PDE4D: variants seen among roughly 807,000 people sequenced by gnomAD.
PDE4D encodes the protein 3',5'-cyclic-AMP phosphodiesterase 4D.
A neutral mutation model predicts 87.4 loss-of-function variants in PDE4D; 24 were observed. The observed-to-expected ratio is 0.27, with a 90% CI of 0.20 to 0.39. PDE4D has a LOEUF of 0.39. PDE4D is among the 10% of genes least tolerant of loss of function. The pLI is 1.00. For missense variants in PDE4D, 714 were observed against 1,041.0 expected, an observed-to-expected ratio of 0.69 and a Z score of 4.32; for synonymous variants, 384 against 383.2, an observed-to-expected ratio of 1.00 and a Z score of -0.02.
At chr5:59,113,304 A>G (rs2153440432) in intron 5 of PDE4D, among the ~76,000 whole-genome samples, 1 of 152,366 alleles carries the variant, frequency 6.6e-6, no homozygotes, top group Non-Finnish European at 1.5e-5. Flanking sequence ...AGATTCTGAT[A>G]TGAGATTTGA....
At chr5:59,170,278 A>C (rs979625549) in intron 5 of PDE4D, among the ~76,000 whole-genome samples, 2 of 152,066 alleles carry the variant, frequency 1.3e-5, no homozygotes, top group Non-Finnish European at 2.9e-5. Context: ...TTGCCTCCCA[A>C]AGTGCTGGAA....
intron 1 of PDE4D, among the ~76,000 whole-genome samples, chr5:60,204,804 A>G (rs1162332245): frequency 1.3e-5 from 2 of 152,184 alleles, no homozygotes; most frequent in Non-Finnish European, 2.9e-5. Flanking sequence ...TAAGATGTCT[A>G]TTCTACCACT....
intron 1 of PDE4D, among the ~76,000 whole-genome samples, chr5:59,689,565 G>A (rs1170075437): frequency 6.6e-6 from 1 of 152,176 alleles, no homozygotes; most frequent in African/African-American, 2.4e-5. Flanking sequence ...TTGATGGGAT[G>A]TATCTCAAAA....
At chr5:60,515,439 T>C (rs1437370216) in intron 1 of PDE4D, among the ~76,000 whole-genome samples, 1 of 152,116 alleles carries the variant, frequency 6.6e-6, no homozygotes, top group Non-Finnish European at 1.5e-5. Flanking sequence ...TCAAAAATGG[T>C]TTCTAAATTT....
intron 2 of PDE4D, among the ~76,000 whole-genome samples, chr5:60,044,148 G>A (rs1466363516): frequency 6.6e-6 from 1 of 151,876 alleles, no homozygotes. Flanking sequence ...AGCTAAAAGA[G>A]GAGAATTGGA....
intron 3 of PDE4D, among the ~76,000 whole-genome samples, chr5:59,961,527 G>A (rs947088371): frequency 6.6e-6 from 1 of 152,058 alleles, no homozygotes; most frequent in Non-Finnish European, 1.5e-5. Flanking sequence ...ATAAATTTCT[G>A]CTGTTTCGAG....
chr5:60,007,848 C>T (rs1764638605), intron 2 of PDE4D, among the ~76,000 whole-genome samples: 1 of 151,938 alleles, frequency 6.6e-6, no homozygotes, highest in African/African-American at 2.4e-5. Flanking sequence ...GATTTAGGTG[C>T]TCTGATATAG....
At chr5:59,487,735 T>A (rs1805405639) in intron 1 of PDE4D, among the ~76,000 whole-genome samples, 1 of 152,008 alleles carries the variant, frequency 6.6e-6, no homozygotes, top group Admixed American at 6.5e-5. Flanking sequence ...TGGCTATGAA[T>A]TTGACTCTGA....
intron 1 of PDE4D, chr5:59,218,094 G>T: frequency 2.8e-6 from 1 of 360,420 alleles, no homozygotes; most frequent in Non-Finnish European, 5.5e-6. Context: ...CTAAATAGTG[G>T]GGGTTTGGCA....
chr5:60,362,137 A>G (rs1293173556), intron 1 of PDE4D, among the ~76,000 whole-genome samples: 1 of 152,238 alleles, frequency 6.6e-6, no homozygotes, highest in Non-Finnish European at 1.5e-5. Context: ...AATGCAATAC[A>G]CATTCTTGTT....
At chr5:59,913,248 A>G (rs1456915406) in intron 3 of PDE4D, among the ~76,000 whole-genome samples, 1 of 152,210 alleles carries the variant, frequency 6.6e-6, no homozygotes, top group East Asian at 1.9e-4. Context: ...TGTGGTCAAG[A>G]TGGTTCCTTA....
chr5:59,656,698 A>G (rs1320588103), intron 1 of PDE4D, among the ~76,000 whole-genome samples: 1 of 152,180 alleles, frequency 6.6e-6, no homozygotes, highest in African/African-American at 2.4e-5. Flanking sequence ...CAGCATATTT[A>G]TTATGGTAAT....
intron 2 of PDE4D, among the ~76,000 whole-genome samples, chr5:60,087,617 T>C (rs187081312): frequency 1.9e-4 from 29 of 152,018 alleles, no homozygotes; most frequent in Admixed American, 1.2e-3. Flanking sequence ...AAAAACTCCA[T>C]AGAAAGCTTC....
intron 1 of PDE4D, among the ~76,000 whole-genome samples, chr5:59,247,731 G>T (rs1759133651): frequency 6.6e-6 from 1 of 151,954 alleles, no homozygotes; most frequent in African/African-American, 2.4e-5. Flanking sequence ...CTCACCTGCT[G>T]CTCTGGCTCC....
At chr5:60,299,287 T>G (rs1295310911) in intron 1 of PDE4D, among the ~76,000 whole-genome samples, 1 of 152,214 alleles carries the variant, frequency 6.6e-6, no homozygotes, top group Admixed American at 6.5e-5. Flanking sequence ...AGGTTCTAAC[T>G]TTGAAACCGT....
At chr5:59,176,112 T>C (rs1160465151) in intron 5 of PDE4D, among the ~76,000 whole-genome samples, 2 of 152,176 alleles carry the variant, frequency 1.3e-5, no homozygotes, top group Non-Finnish European at 2.9e-5. Flanking sequence ...GCTATTTAAG[T>C]CTCTTTTATA....
chr5:60,425,376 C>T (rs572011101), intron 1 of PDE4D, among the ~76,000 whole-genome samples: 1 of 152,130 alleles, frequency 6.6e-6, no homozygotes, highest in Non-Finnish European at 1.5e-5. Context: ...AGAAATAACA[C>T]CACACATCTA....
At chr5:60,416,175 CACCAATCAGCACACTGTCAAAACAG>C (rs1385084324) in intron 1 of PDE4D, among the ~76,000 whole-genome samples, 10 of 152,280 alleles carry the variant, frequency 6.6e-5, no homozygotes, top group Admixed American at 1.3e-4. Context: ...ATTGTAAATG[CACCAATCAGCACACTGTCAAAACAG>C]ACCAATCAGC....
intron 3 of PDE4D, among the ~76,000 whole-genome samples, chr5:59,953,142 C>T (rs182524360): frequency 1.4e-4 from 22 of 152,030 alleles, no homozygotes; most frequent in Admixed American, 2.0e-4. Context: ...TAAATAAGTT[C>T]GGGTCTCATG....
Sources: gnomAD v4.1 joint callset for allele counts (sites outside exome capture counted in the v4.1 genomes callset) on GRCh38, gnomAD v4.1.1 for gene constraint, MANE v1.5 for transcripts, NCBI Gene and HGNC (gene_info 2026-07-23, HGNC 2026-07-21) for gene names.